XKR4: variants seen among roughly 807,000 people sequenced by gnomAD.
The protein encoded by XKR4 is XK-related protein 4.
A neutral mutation model predicts 53.9 loss-of-function variants in XKR4; 12 were observed. The ratio of observed to expected loss-of-function variants is 0.22; its 90% CI spans 0.14 to 0.36. XKR4 has a LOEUF of 0.36. Among genes scored for constraint, XKR4 ranks in the 10% least tolerant of loss-of-function variants. The pLI, the probability that XKR4 is intolerant of heterozygous loss-of-function variation, is 1.00. For synonymous variants in XKR4, 354 were observed against 362.4 expected (o/e 0.98, Z 0.26); for missense variants, 799 against 859.5 (o/e 0.93, Z 0.88).
chr8:55,454,659 C>T, intron 2 of XKR4: 1 of 999,164 alleles, frequency 1.0e-6, no homozygotes, highest in Non-Finnish European at 1.6e-6. Flanking sequence ...TCAGCAGGTT[C>T]CCAATTACGT....
At position 55,524,069 on chromosome 8, in the gene XKR4, T is replaced by G; in HGVS notation, c.1795T>G (p.Leu599Val). 1 of 1,614,204 alleles carries G rather than the reference T, an allele frequency of 6.2e-7. No individual in the cohort carries two copies. The highest frequency in any genetic ancestry group is 8.5e-7 in the Non-Finnish European group (1 of 1,180,048). ...RIEESVIKIDLFRNRYPAWER... is the reference protein window; with the variant it reads ...RIEESVIKIDVFRNRYPAWER... ...TGAAGAATCAGTCATTAAAATTGAC[T>G]TGTTCAGGAATAGGTACCCAGCATG... The change falls in exon 3 of 3, where the codon TTG becomes GTG. Residue 599 changes from leucine to valine, a missense_variant. By Grantham distance (32) the Leu-to-Val change is conservative. Around this residue, in one of 3 missense-constraint regions of XKR4, gnomAD observed 269 missense variants for 264.4 expected, o/e 1.02. Transcript: ENST00000327381.
chr8:55,267,987 A>G (rs527765349), intron 1 of XKR4, among the ~76,000 whole-genome samples: 5 of 152,330 alleles, frequency 3.3e-5, no homozygotes, highest in African/African-American at 1.2e-4. Context: ...GTTCTGGCTA[A>G]GGGATAAAAG....
At chr8:55,198,646 C>G (rs1164830920) in intron 1 of XKR4, among the ~76,000 whole-genome samples, 1 of 151,866 alleles carries the variant, frequency 6.6e-6, no homozygotes, top group East Asian at 1.9e-4. Context: ...ACTGATTTTG[C>G]TAGAAAAATT....
At chr8:55,243,253 G>C (rs1818236625) in intron 1 of XKR4, among the ~76,000 whole-genome samples, 1 of 152,102 alleles carries the variant, frequency 6.6e-6, no homozygotes, top group Non-Finnish European at 1.5e-5. Flanking sequence ...GTTCTGGTTT[G>C]GACAAATGTA....
intron 1 of XKR4, among the ~76,000 whole-genome samples, chr8:55,171,851 G>A (rs1366961765): frequency 1.3e-5 from 2 of 151,972 alleles, no homozygotes; most frequent in Non-Finnish European, 2.9e-5. Context: ...GATCCCCATC[G>A]TCCATCACCT....
chr8:55,155,078 G>A (rs1437185756), intron 1 of XKR4, among the ~76,000 whole-genome samples: 1 of 152,214 alleles, frequency 6.6e-6, no homozygotes, highest in Non-Finnish European at 1.5e-5. Context: ...CTGCAGACCA[G>A]AAGTTGATTC....
intron 2 of XKR4, chr8:55,454,937 G>A: frequency 1.2e-6 from 1 of 822,300 alleles, no homozygotes; most frequent in Admixed American, 1.8e-5. Flanking sequence ...GTTGATGTCG[G>A]TGAGGACAGC....
intron 1 of XKR4, among the ~76,000 whole-genome samples, chr8:55,316,889 A>T (rs1230416831): frequency 2.0e-5 from 3 of 152,228 alleles, no homozygotes; most frequent in Non-Finnish European, 4.4e-5. Flanking sequence ...ATTCAATATT[A>T]AATGCAGATT....
intron 2 of XKR4, among the ~76,000 whole-genome samples, chr8:55,413,159 A>AGAAGAAATGAAGAC (rs1423600772): frequency 6.6e-6 from 1 of 152,172 alleles, no homozygotes; most frequent in East Asian, 1.9e-4. Flanking sequence ...CCTTTTTGTG[A>AGAAGAAATGAAGAC]GAAGAAATGA....
chr8:55,318,821 T>C (rs1803161672), intron 1 of XKR4, among the ~76,000 whole-genome samples: 1 of 152,186 alleles, frequency 6.6e-6, no homozygotes, highest in Non-Finnish European at 1.5e-5. Context: ...CTTCCAACTT[T>C]GCAGGAAAAG....
At chr8:55,131,824 C>T (rs1816558939) in intron 1 of XKR4, among the ~76,000 whole-genome samples, 1 of 152,044 alleles carries the variant, frequency 6.6e-6, no homozygotes, top group Non-Finnish European at 1.5e-5. Context: ...CAGCTCACTG[C>T]AGCCAAAGCT....
At chr8:55,284,106 AAG>A (rs748957372) in intron 1 of XKR4, among the ~76,000 whole-genome samples, 2 of 152,168 alleles carry the variant, frequency 1.3e-5, no homozygotes, top group Non-Finnish European at 2.9e-5. Context: ...TCTAATAATA[AAG>A]AGAGACACAG....
intron 1 of XKR4, among the ~76,000 whole-genome samples, chr8:55,255,634 T>C (rs1010243864): frequency 6.6e-6 from 1 of 152,136 alleles, no homozygotes; most frequent in Non-Finnish European, 1.5e-5. Flanking sequence ...AATAATTATA[T>C]TTATATATCT....
chr8:55,429,016 A>G (rs569248491), intron 2 of XKR4, among the ~76,000 whole-genome samples: 3 of 152,242 alleles, frequency 2.0e-5, no homozygotes, highest in Non-Finnish European at 4.4e-5. Flanking sequence ...ATTTCAATAT[A>G]GCTACGTAAT....
Position 55,468,346 on chromosome 8 carries a change from T to G in XKR4, c.1007-54935T>G, listed in dbSNP as rs1003762887. On this transcript the variant is annotated intron_variant, in intron 2 of 2. Transcript: ENST00000327381. ...TTGTCTTGGACTGTCAGTTTACAGCTCTGAGTATTTGAAAACAGACAGAAG... is the reference window on the plus strand; with the variant it reads ...TTGTCTTGGACTGTCAGTTTACAGCGCTGAGTATTTGAAAACAGACAGAAG... 3.3e-5 allele frequency among the ~76,000 whole-genome samples: 5 copies of G among 152,166 alleles called. 1 individual carries two copies. The highest frequency in any genetic ancestry group is 1.2e-4 in the African/African-American group (5 of 41,416).
chr8:55,248,912 C>T lies in XKR4; in HGVS notation c.807-108766C>T, dbSNP rs76191815. On this transcript the variant is annotated intron_variant, in intron 1 of 2. Coordinates refer to ENST00000327381, the MANE Select transcript of XKR4 (RefSeq NM_052898.2). Reference sequence around the variant, plus strand: ...TCATGTCTCAGTGGAGACATAAAGACGGGCCTTCTGGGACCTTGATTTGGC... The same window carrying T: ...TCATGTCTCAGTGGAGACATAAAGATGGGCCTTCTGGGACCTTGATTTGGC... Among the ~76,000 whole-genome samples, 659 of 152,126 alleles carry T rather than the reference C, an allele frequency of 4.3e-3. 6 individuals are homozygous for T. Among genetic ancestry groups the T allele is most frequent in the African/African-American group, 0.015 (628 of 41,498 alleles).
intron 2 of XKR4, among the ~76,000 whole-genome samples, chr8:55,417,346 A>C (rs1804865944): frequency 6.6e-6 from 1 of 152,228 alleles, no homozygotes; most frequent in South Asian, 2.1e-4. Context: ...CTAAATGGCC[A>C]AGCATTTCAT....
intron 2 of XKR4, among the ~76,000 whole-genome samples, chr8:55,400,992 T>C (rs1205272991): frequency 6.6e-6 from 1 of 152,210 alleles, no homozygotes; most frequent in Non-Finnish European, 1.5e-5. Flanking sequence ...CATACACACC[T>C]AGCACTTGAC....
At chr8:55,120,825 A>G (rs1031081429) in intron 1 of XKR4, among the ~76,000 whole-genome samples, 2 of 152,200 alleles carry the variant, frequency 1.3e-5, no homozygotes, top group African/African-American at 4.8e-5. Flanking sequence ...TATCATACAG[A>G]ATAGTTTCAT....
Sources: allele counts gnomAD v4.1 joint callset (sites outside exome capture counted in the v4.1 genomes callset), GRCh38; gene constraint gnomAD v4.1.1; regional missense constraint gnomAD v4.1.1; transcripts MANE v1.5; gene names NCBI Gene and HGNC (gene_info 2026-07-23, HGNC 2026-07-21).